FBXL7: variants seen among roughly 807,000 people sequenced by gnomAD.
The protein encoded by FBXL7 is F-box and leucine rich repeat protein 7, also known as F-box/LRR-repeat protein 7.
FBXL7 carries 12 observed loss-of-function variants against 38.3 expected under a neutral mutation model. The ratio of observed to expected loss-of-function variants is 0.31; its 90% CI spans 0.20 to 0.51. FBXL7 has a LOEUF of 0.51. Among genes scored for constraint, FBXL7 ranks in the 20% least tolerant of loss-of-function variants. FBXL7 has a pLI of 0.98. For synonymous variants in FBXL7, 297 were observed against 300.9 expected (o/e 0.99, Z 0.13); for missense variants, 567 against 676.4 (o/e 0.84, Z 1.79).
intron 2 of FBXL7, among the ~76,000 whole-genome samples, chr5:15,834,453 T>G (rs1460261474): frequency 6.6e-6 from 1 of 152,234 alleles, no homozygotes; most frequent in African/African-American, 2.4e-5. Flanking sequence ...AGAGTATTTT[T>G]ACACCAGTTT....
intron 2 of FBXL7, among the ~76,000 whole-genome samples, chr5:15,746,456 A>G (rs1209354653): frequency 2.6e-5 from 4 of 152,174 alleles, no homozygotes; most frequent in African/African-American, 7.2e-5. Context: ...TGAGAAGTCC[A>G]AGATCAAGGC....
chr5:15,628,167 G>A (rs1441595255), intron 2 of FBXL7, among the ~76,000 whole-genome samples: 1 of 152,178 alleles, frequency 6.6e-6, no homozygotes, highest in Non-Finnish European at 1.5e-5. Flanking sequence ...ATAGCGGCTA[G>A]TGGTTTTCAA....
chr5:15,749,190 A>G (rs1457990225), intron 2 of FBXL7, among the ~76,000 whole-genome samples: 1 of 142,530 alleles, frequency 7.0e-6, no homozygotes, highest in Admixed American at 7.4e-5. Context: ...GGTTGCAGTG[A>G]GCAGAGATCA....
chr5:15,731,852 C>T (rs1735593092), intron 2 of FBXL7, among the ~76,000 whole-genome samples: 1 of 152,114 alleles, frequency 6.6e-6, no homozygotes, highest in African/African-American at 2.4e-5. Context: ...AAGCAACTGG[C>T]AGTTGGCTTT....
Position 15,801,662 on chromosome 5 carries a change from C to T in FBXL7, c.128-126228C>T, listed in dbSNP as rs1420351973. 2.4e-4 allele frequency among the ~76,000 whole-genome samples: 34 copies of T among 139,274 alleles called. No individual in the cohort carries two copies. In the East Asian group the frequency reaches 3.2e-3, roughly 13 times the overall value. 91.4% of individuals were successfully genotyped at this position (139,274 alleles called of 152,430 possible). ...GTGTGTGTGTGTGTGTGTGTGCGCGCGCGCGTGTGTGTGTGTTTGTGTGTG... is the reference window on the plus strand; with the variant it reads ...GTGTGTGTGTGTGTGTGTGTGCGCGTGCGCGTGTGTGTGTGTTTGTGTGTG... On this transcript the variant is annotated intron_variant, in intron 2 of 3. Transcript: ENST00000504595.
chr5:15,805,051 A>C (rs1236342706), intron 2 of FBXL7, among the ~76,000 whole-genome samples: 3 of 152,062 alleles, frequency 2.0e-5, no homozygotes, highest in Non-Finnish European at 2.9e-5. Context: ...CTGTGTCTTC[A>C]CCTCACCTGC....
intron 1 of FBXL7, among the ~76,000 whole-genome samples, chr5:15,570,670 TTA>T (rs1192206553): frequency 2.6e-5 from 4 of 152,206 alleles, no homozygotes; most frequent in Non-Finnish European, 4.4e-5. Context: ...TGTGCCAGCA[TTA>T]ACAGAAGTAC....
chr5:15,669,996 CT>C (rs1386913406), intron 2 of FBXL7, among the ~76,000 whole-genome samples: 1 of 152,100 alleles, frequency 6.6e-6, no homozygotes, highest in Non-Finnish European at 1.5e-5. Context: ...GTCTCATTCT[CT>C]TTTTCTCTGC....
At chr5:15,749,854 A>G (rs1392286719) in intron 2 of FBXL7, among the ~76,000 whole-genome samples, 1 of 152,176 alleles carries the variant, frequency 6.6e-6, no homozygotes, top group African/African-American at 2.4e-5. Context: ...TGAAGAGCCC[A>G]GGAGACTCTG....
intron 1 of FBXL7, among the ~76,000 whole-genome samples, chr5:15,529,899 T>C (rs1431157849): frequency 6.6e-6 from 1 of 152,092 alleles, no homozygotes; most frequent in Non-Finnish European, 1.5e-5. Flanking sequence ...TAACCCAAAT[T>C]GGGGTGGTAG....
intron 1 of FBXL7, among the ~76,000 whole-genome samples, chr5:15,550,706 A>G (rs748273301): frequency 2.6e-5 from 4 of 152,232 alleles, no homozygotes; most frequent in Non-Finnish European, 4.4e-5. Context: ...ACAAGTTAAA[A>G]CAAGTTCAGA....
At chr5:15,811,860 G>C (rs543616108) in intron 2 of FBXL7, among the ~76,000 whole-genome samples, 1 of 152,288 alleles carries the variant, frequency 6.6e-6, no homozygotes, top group African/African-American at 2.4e-5. Flanking sequence ...AGGCTGTGGA[G>C]AAATAGGAAT....
chr5:15,622,448 G>A (rs76005546), intron 2 of FBXL7, among the ~76,000 whole-genome samples: 22,058 of 151,902 alleles, frequency 0.15, 1,688 homozygotes, highest in Middle Eastern at 0.18. Flanking sequence ...CTCCCCACCC[G>A]ACACAGGCCC....
At chr5:15,678,134 C>A (rs1295365654) in intron 2 of FBXL7, among the ~76,000 whole-genome samples, 2 of 152,210 alleles carry the variant, frequency 1.3e-5, no homozygotes, top group Admixed American at 1.3e-4. Flanking sequence ...GGATATACAT[C>A]ACATTACAAC....
chr5:15,507,388 T>A (rs1291105242), intron 1 of FBXL7, among the ~76,000 whole-genome samples: 1 of 152,142 alleles, frequency 6.6e-6, no homozygotes, highest in African/African-American at 2.4e-5. Flanking sequence ...AAACAGAAAA[T>A]AGAGGTAGCT....
chr5:15,702,803 C>G (rs1438583679), intron 2 of FBXL7, among the ~76,000 whole-genome samples: 1 of 151,988 alleles, frequency 6.6e-6, no homozygotes, highest in African/African-American at 2.4e-5. Flanking sequence ...TTTTAATCAC[C>G]TGGGTGCAGG....
intron 2 of FBXL7, among the ~76,000 whole-genome samples, chr5:15,625,266 A>C (rs1740773413): frequency 1.3e-5 from 2 of 152,196 alleles, no homozygotes; most frequent in African/African-American, 4.8e-5. Flanking sequence ...AGACTTAGTA[A>C]AATTAATATT....
chr5:15,837,418 A>C (rs1227243942), intron 2 of FBXL7, among the ~76,000 whole-genome samples: 4 of 152,172 alleles, frequency 2.6e-5, no homozygotes, highest in Non-Finnish European at 5.9e-5. Context: ...CTGACATACC[A>C]TCAAGAGGAA....
chr5:15,561,688 C>G (rs1343157314), intron 1 of FBXL7, among the ~76,000 whole-genome samples: 1 of 151,846 alleles, frequency 6.6e-6, no homozygotes, highest in Admixed American at 6.6e-5. Context: ...CAAGACTGTA[C>G]AGAGGTTCCT....
Sources: gnomAD v4.1 joint callset for allele counts (sites outside exome capture counted in the v4.1 genomes callset) on GRCh38, gnomAD v4.1.1 for gene constraint, MANE v1.5 for transcripts, NCBI Gene and HGNC (gene_info 2026-07-23, HGNC 2026-07-21) for gene names.